TRPC4: variants seen among roughly 807,000 people sequenced by gnomAD.
TRPC4 encodes short transient receptor potential channel 4.
Under a neutral mutation model 99.4 loss-of-function variants are expected in TRPC4, and 49 were observed. That is an observed-to-expected ratio of 0.49 (90% confidence interval 0.39 to 0.63). The LOEUF (loss-of-function observed/expected upper bound fraction) is 0.63, where lower values mean the gene tolerates loss of function less well. TRPC4 is among the 20% of genes least tolerant of loss of function. The pLI is 0.00. For missense variants in TRPC4, 898 were observed against 1,152.9 expected, an observed-to-expected ratio of 0.78 and a Z score of 3.20; for synonymous variants, 454 against 425.9, an observed-to-expected ratio of 1.07 and a Z score of -0.81.
chr13:37,795,431 T>C (rs1261079815), intron 1 of TRPC4, among the ~76,000 whole-genome samples: 1 of 152,128 alleles, frequency 6.6e-6, no homozygotes, highest in Non-Finnish European at 1.5e-5. Context: ...GTAGACACTT[T>C]GTGGCAAGGT....
intron 3 of TRPC4, among the ~76,000 whole-genome samples, chr13:37,736,519 C>T (rs536252539): frequency 2.6e-5 from 4 of 152,140 alleles, no homozygotes; most frequent in South Asian, 2.1e-4. Flanking sequence ...ACATAACCAA[C>T]GCCTAAAATA....
At chr13:37,762,242 C>T (rs1179170664) in intron 2 of TRPC4, among the ~76,000 whole-genome samples, 1 of 151,774 alleles carries the variant, frequency 6.6e-6, no homozygotes, top group African/African-American at 2.4e-5. Context: ...GTTCCTATTT[C>T]TCCACATCCT....
chr13:37,827,126 C>G (rs1371106641), intron 1 of TRPC4, among the ~76,000 whole-genome samples: 2 of 152,220 alleles, frequency 1.3e-5, no homozygotes, highest in East Asian at 1.9e-4. Flanking sequence ...AGCTCCATCA[C>G]CTCCTTTAAA....
At chr13:37,655,769 A>G (rs1215521624) in intron 6 of TRPC4, among the ~76,000 whole-genome samples, 1 of 152,152 alleles carries the variant, frequency 6.6e-6, no homozygotes, top group Non-Finnish European at 1.5e-5. Flanking sequence ...AAGTAGTTAT[A>G]GCAGAGAACA....
chr13:37,835,300 G>T (rs1454472245), intron 1 of TRPC4, among the ~76,000 whole-genome samples: 1 of 152,044 alleles, frequency 6.6e-6, no homozygotes, highest in Non-Finnish European at 1.5e-5. Context: ...GGCGTTCATT[G>T]TAAAATATGA....
rs528843021 is a variant in TRPC4 at position 37,764,862 on chromosome 13, T to G, written c.378+18094A>C. On this transcript the variant is annotated intron_variant, in intron 2 of 10. Transcript: ENST00000379705. ...TGAGAATCATGTGTTTCTTTCACCTTTATCTGTTAAGGCAGTGAAATAAAT... is the reference window on the plus strand; with the variant it reads ...TGAGAATCATGTGTTTCTTTCACCTGTATCTGTTAAGGCAGTGAAATAAAT... Among the ~76,000 whole-genome samples, 224 of 150,822 alleles carry G rather than the reference T, an allele frequency of 1.5e-3. 1 individual carries two copies. Among genetic ancestry groups the G allele is most frequent in the Non-Finnish European group, 1.9e-3 (128 of 67,446 alleles).
intron 2 of TRPC4, among the ~76,000 whole-genome samples, chr13:37,753,596 A>AGAGAGAGAGAGAGAGAGG (rs1477439372): frequency 2.8e-5 from 4 of 140,940 alleles, no homozygotes; most frequent in African/African-American, 9.9e-5. Context: ...AGAGAGAGAG[A>AGAGAGAGAGAGAGAGAGG]GAGAGAGAGA....
At chr13:37,827,957 C>T (rs111969042) in intron 1 of TRPC4, among the ~76,000 whole-genome samples, 4,158 of 152,256 alleles carry the variant, frequency 0.027, 108 homozygotes, top group African/African-American at 0.066. Flanking sequence ...GAGCCAGGTG[C>T]GGGATATAAT....
At chr13:37,858,025 G>C (rs533587343) in intron 1 of TRPC4, among the ~76,000 whole-genome samples, 1 of 151,476 alleles carries the variant, frequency 6.6e-6, no homozygotes, top group East Asian at 1.9e-4. Context: ...ATCTGACAAG[G>C]GTTCAATAAT....
At chr13:37,783,384 A>G (rs1956894042) in intron 1 of TRPC4, 24 bp from the exon 2 acceptor site, 1 of 1,493,678 alleles carries the variant, frequency 6.7e-7, no homozygotes, top group Admixed American at 2.3e-5. Flanking sequence ...CAAAAAACAC[A>G]AAGATTAGTG....
At chr13:37,744,967 A>G (rs1337443406) in intron 3 of TRPC4, among the ~76,000 whole-genome samples, 1 of 152,148 alleles carries the variant, frequency 6.6e-6, no homozygotes, top group East Asian at 1.9e-4. Flanking sequence ...CCTTGCGATG[A>G]ACTTACTTGG....
chr13:37,867,002 G>C (rs1959801004), intron 1 of TRPC4, among the ~76,000 whole-genome samples: 1 of 142,078 alleles, frequency 7.0e-6, no homozygotes, highest in South Asian at 2.1e-4. Context: ...ATTGAGTCTA[G>C]GCAATTCAAT....
chr13:37,704,605 C>T (rs1167605532), intron 3 of TRPC4, among the ~76,000 whole-genome samples: 3 of 152,044 alleles, frequency 2.0e-5, no homozygotes, highest in Non-Finnish European at 4.4e-5. Context: ...CACTGCCCTC[C>T]AGCCTGGGCA....
At chr13:37,638,515 C>A (rs1217163758) in intron 10 of TRPC4, among the ~76,000 whole-genome samples, 2 of 152,120 alleles carry the variant, frequency 1.3e-5, no homozygotes, top group Non-Finnish European at 2.9e-5. Flanking sequence ...AATCTCTAAA[C>A]AATCACTCAA....
intron 3 of TRPC4, among the ~76,000 whole-genome samples, chr13:37,724,983 G>A (rs779270677): frequency 6.6e-5 from 10 of 152,074 alleles, no homozygotes; most frequent in Non-Finnish European, 1.3e-4. Flanking sequence ...TAAAACATCT[G>A]TCTTGAAGGT....
intron 1 of TRPC4, among the ~76,000 whole-genome samples, chr13:37,812,351 A>T (rs1039350973): frequency 3.3e-5 from 5 of 151,946 alleles, no homozygotes; most frequent in African/African-American, 2.4e-5. Flanking sequence ...TATGAAAAAA[A>T]ATACAAACCA....
chr13:37,728,639 A>T (rs888686773), intron 3 of TRPC4, among the ~76,000 whole-genome samples: 1 of 152,090 alleles, frequency 6.6e-6, no homozygotes, highest in South Asian at 2.1e-4. Flanking sequence ...CACAATCCCT[A>T]TACAAAGCCC....
intron 2 of TRPC4, among the ~76,000 whole-genome samples, chr13:37,771,331 C>G (rs78741500): frequency 0.015 from 2,247 of 151,828 alleles, 44 homozygotes; most frequent in African/African-American, 0.051. Context: ...TCCTACTTCT[C>G]TCATCTTAGG....
intron 1 of TRPC4, among the ~76,000 whole-genome samples, chr13:37,863,145 G>A (rs1262964856): frequency 6.6e-6 from 1 of 151,442 alleles, no homozygotes. Context: ...TTCGTGCAAT[G>A]ATGAAATTGC....
Sources: allele counts gnomAD v4.1 joint callset (sites outside exome capture counted in the v4.1 genomes callset), GRCh38; gene constraint gnomAD v4.1.1; transcripts MANE v1.5; gene names NCBI Gene and HGNC (gene_info 2026-07-23, HGNC 2026-07-21).